The following DSTN variants were observed in gnomAD, a reference collection of about 807,000 sequenced individuals.
DSTN encodes destrin.
A neutral mutation model predicts 16.8 loss-of-function variants in DSTN; 10 were observed. That is an observed-to-expected ratio of 0.60 (90% CI 0.37 to 1.01). The LOEUF is 1.01. Among genes scored for constraint, DSTN ranks in the 50% least tolerant of loss-of-function variants. The pLI, the probability that DSTN is intolerant of heterozygous loss-of-function variation, is 0.01. For synonymous variants in DSTN, 57 were observed against 58.9 expected, an observed-to-expected ratio of 0.97 and a Z score of 0.14; for missense variants, 141 against 196.7, an observed-to-expected ratio of 0.72 and a Z score of 1.69.
chr20:17,603,426 G>A (rs2122209711), intron 2 of DSTN, among the ~76,000 whole-genome samples: 1 of 152,216 alleles, frequency 6.6e-6, no homozygotes, highest in East Asian at 1.9e-4. Flanking sequence ...AAAAATACTG[G>A]TTTTGGTATA....
At chr20:17,584,914 C>T (rs564105640) in intron 1 of DSTN, among the ~76,000 whole-genome samples, 1 of 152,330 alleles carries the variant, frequency 6.6e-6, no homozygotes, top group East Asian at 1.9e-4. Flanking sequence ...GCATCAGGAA[C>T]TATCCTGTGG....
At chr20:17,606,557 C>T (rs1156745353) in intron 3 of DSTN, among the ~76,000 whole-genome samples, 1 of 152,156 alleles carries the variant, frequency 6.6e-6, no homozygotes, top group Non-Finnish European at 1.5e-5. Context: ...AGCTTTTTAG[C>T]AAAGTACAAC....
At chr20:17,601,191 A>G in intron 2 of DSTN, 146 bp downstream of exon 2, 1 of 1,017,416 alleles carries the variant, frequency 9.8e-7, no homozygotes, top group Non-Finnish European at 1.3e-6. Context: ...TAATGTTACC[A>G]GGGCTGATGT....
At position 17,609,231 on chromosome 20, in the gene DSTN, TCTCA is replaced by T. The variant is rs755312603; in HGVS notation, c.*2089_*2092del. On this transcript the variant is annotated 3_prime_UTR_variant, in exon 4 of 4. Transcript: ENST00000246069. Reference sequence around the variant, plus strand: ...GTGGGTTTTGTTTTTTGAGACAGGGTCTCACTCTTTCCCCCAGGCTAGAGTGCAG... The same window carrying T: ...GTGGGTTTTGTTTTTTGAGACAGGGTCTCTTTCCCCCAGGCTAGAGTGCAG... 5.3e-5 allele frequency: 8 copies of T among 152,148 alleles called. No individual in the cohort carries two copies. Among genetic ancestry groups the T allele is most frequent in the Non-Finnish European group, 1.2e-4 (8 of 68,026 alleles). The allele number at this position is 152,148 out of a possible 1,614,324, so 9.4% of individuals were successfully genotyped here.
intron 1 of DSTN, among the ~76,000 whole-genome samples, chr20:17,600,133 TAGCAGTAG>T (rs1413475428): frequency 1.3e-5 from 2 of 152,224 alleles, no homozygotes; most frequent in Non-Finnish European, 2.9e-5. Flanking sequence ...CTCTTTATTA[TAGCAGTAG>T]ACATTTTCTT....
At chr20:17,603,592 A>G (rs1158567464) in intron 2 of DSTN, among the ~76,000 whole-genome samples, 1 of 152,212 alleles carries the variant, frequency 6.6e-6, no homozygotes, top group Non-Finnish European at 1.5e-5. Context: ...CCGTGCAAGC[A>G]GTCTGAGTGG....
At chr20:17,606,395 G>A (rs2035643240) in intron 3 of DSTN, among the ~76,000 whole-genome samples, 1 of 152,198 alleles carries the variant, frequency 6.6e-6, no homozygotes, top group South Asian at 2.1e-4. Context: ...AGTTTTCATT[G>A]TGATCGATTT....
chr20:17,586,993 T>C (rs1437572151), intron 1 of DSTN, among the ~76,000 whole-genome samples: 1 of 152,164 alleles, frequency 6.6e-6, no homozygotes, highest in Non-Finnish European at 1.5e-5. Context: ...AATTCTGTTT[T>C]TGAGAATAAC....
chr20:17,604,371 A>G (rs2035618658), intron 2 of DSTN, among the ~76,000 whole-genome samples, 184 bp from the exon 3 acceptor site: 1 of 152,214 alleles, frequency 6.6e-6, no homozygotes, highest in African/African-American at 2.4e-5. Context: ...GATTCTGCAT[A>G]TGCCTATCTG....
chr20:17,593,973 C>T (rs148995156), intron 1 of DSTN, among the ~76,000 whole-genome samples: 120 of 152,108 alleles, frequency 7.9e-4, no homozygotes, highest in African/African-American at 2.8e-3. Context: ...TCCCAGTACT[C>T]AGGAAGCTGA....
intron 1 of DSTN, among the ~76,000 whole-genome samples, chr20:17,573,606 A>G (rs753966099): frequency 1.4e-4 from 21 of 151,592 alleles, no homozygotes; most frequent in Non-Finnish European, 2.8e-4. Flanking sequence ...CATATTTTCT[A>G]CTCTACTACT....
At chr20:17,591,787 ATAGC>A in intron 1 of DSTN, 1 of 620,582 alleles carries the variant, frequency 1.6e-6, no homozygotes, top group Non-Finnish European at 2.0e-6. Context: ...CTAAGGTGAC[ATAGC>A]TAGTTAGTAG....
chr20:17,579,421 C>CA (rs111453362), intron 1 of DSTN, among the ~76,000 whole-genome samples: 4,759 of 146,614 alleles, frequency 0.032, 211 homozygotes, highest in African/African-American at 0.11. Context: ...CATAAAATAC[C>CA]AAAAAAAAAA....
chr20:17,597,239 T>G (rs1429982008), intron 1 of DSTN, among the ~76,000 whole-genome samples: 1 of 152,226 alleles, frequency 6.6e-6, no homozygotes, highest in Admixed American at 6.5e-5. Flanking sequence ...ATTGTGTACT[T>G]ATGAGTTTTC....
At chr20:17,579,623 T>G (rs557945269) in intron 1 of DSTN, among the ~76,000 whole-genome samples, 5 of 152,152 alleles carry the variant, frequency 3.3e-5, no homozygotes, top group African/African-American at 1.2e-4. Context: ...TGCTTATCAG[T>G]TTATCAGTGT....
chr20:17,591,821 T>TA (rs1312104416), intron 1 of DSTN: 1 of 877,334 alleles, frequency 1.1e-6, no homozygotes, highest in East Asian at 1.2e-4. Context: ...GATGGATTGT[T>TA]ACTCTCATGA....
intron 1 of DSTN, chr20:17,599,438 G>T (rs1027958720): frequency 6.6e-6 from 1 of 152,226 alleles, no homozygotes; most frequent in Non-Finnish European, 1.5e-5. Context: ...CTGTCTCATG[G>T]TCACTCCACA....
rs2035579802 is a variant in DSTN at position 17,600,893 on chromosome 20, A to G, written c.159A>G (p.Lys53=). The change falls in exon 2 of 4, where the codon AAA becomes AAG. Residue 53 remains lysine (K), a synonymous_variant. Transcript: ENST00000246069. ...AGTGCATCATTGTAGAAGAAGGCAAAGAGATCTTGGTTGGAGATGTTGGTG... is the reference window on the plus strand; with the variant it reads ...AGTGCATCATTGTAGAAGAAGGCAAGGAGATCTTGGTTGGAGATGTTGGTG... The part of the protein sequence containing the change: ...DKKCIIVEEG[K]EILVGDVGVT... The G allele has an allele frequency of 1.4e-5, 23 of 1,613,816 alleles. No homozygotes were observed. Among genetic ancestry groups the G allele is most frequent in the Non-Finnish European group, 1.9e-5 (23 of 1,179,900 alleles).
chr20:17,574,870 G>GTTTTT (rs533880691), intron 1 of DSTN, among the ~76,000 whole-genome samples: 1,695 of 81,224 alleles, frequency 0.021, 176 homozygotes, highest in East Asian at 0.034. Flanking sequence ...CTTTTCTTTT[G>GTTTTT]TTTTTTTTTT....
Sources: allele counts gnomAD v4.1 joint callset (sites outside exome capture counted in the v4.1 genomes callset), GRCh38; gene constraint gnomAD v4.1.1; transcripts MANE v1.5; gene names NCBI Gene and HGNC (gene_info 2026-07-23, HGNC 2026-07-21).